Variants in GRID1 observed in about 807,000 individuals in gnomAD.
GRID1 encodes the protein glutamate ionotropic receptor delta type subunit 1, also known as glutamate receptor ionotropic, delta-1.
A neutral mutation model predicts 98.0 loss-of-function variants in GRID1; 28 were observed. The observed-to-expected ratio is 0.29, with a 90% CI of 0.21 to 0.39. The LOEUF is 0.39. GRID1 is among the 10% of genes least tolerant of loss of function. The pLI is 1.00. For missense variants in GRID1, 1,111 were observed against 1,340.5 expected, an observed-to-expected ratio of 0.83 and a Z score of 2.67; for synonymous variants, 553 against 538.5, an observed-to-expected ratio of 1.03 and a Z score of -0.37.
At chr10:85,864,680 G>T (rs530839437) in intron 6 of GRID1, among the ~76,000 whole-genome samples, 1 of 152,306 alleles carries the variant, frequency 6.6e-6, no homozygotes, top group South Asian at 2.1e-4. Flanking sequence ...CCATGGAAGA[G>T]TACAGAAAAC....
chr10:85,796,947 T>C (rs1842530838), intron 8 of GRID1, among the ~76,000 whole-genome samples: 1 of 152,186 alleles, frequency 6.6e-6, no homozygotes. Flanking sequence ...AAAGACTTTG[T>C]GATAAAGTAT....
chr10:85,831,613 G>A (rs1299556787), intron 8 of GRID1, among the ~76,000 whole-genome samples: 1 of 151,960 alleles, frequency 6.6e-6, no homozygotes, highest in Non-Finnish European at 1.5e-5. Context: ...CAAATTTGCT[G>A]ATCACAGTGA....
intron 3 of GRID1, among the ~76,000 whole-genome samples, chr10:86,159,767 TTTG>T (rs764993204): frequency 8.5e-5 from 13 of 152,190 alleles, no homozygotes; most frequent in Non-Finnish European, 1.5e-4. Context: ...TTACCAACCA[TTTG>T]GCAATGAACA....
Position 85,865,912 on chromosome 10 carries a change from C to CATATATTT in GRID1, c.951+3097_951+3098insAAATATAT, listed in dbSNP as rs1554836172. Among the ~76,000 whole-genome samples, 74 of 83,110 alleles carry CATATATTT rather than the reference C, an allele frequency of 8.9e-4. 4 individuals carry two copies. Among genetic ancestry groups the CATATATTT allele is most frequent in the African/African-American group, 4.1e-3 (73 of 18,012 alleles). The allele number at this position is 83,110 out of a possible 152,430, so 54.5% of individuals were successfully genotyped here. A position where few individuals can be genotyped will look rare whatever the true frequency, so the allele number is the denominator to read the frequency against. On this transcript the variant is annotated intron_variant, in intron 6 of 15. Coordinates refer to ENST00000327946, the MANE Select transcript of GRID1 (RefSeq NM_017551.3). ...TTTAATAAAGTGTTTTACATATATA[C>CATATATTT]ATATATATATATATATATATATATA...
chr10:85,998,460 C>A (rs1842766129), intron 4 of GRID1, among the ~76,000 whole-genome samples: 1 of 151,902 alleles, frequency 6.6e-6, no homozygotes, highest in African/African-American at 2.4e-5. Context: ...CACAACACTG[C>A]ACAATTTGTG....
intron 8 of GRID1, among the ~76,000 whole-genome samples, chr10:85,779,202 C>A (rs1050329018): frequency 6.6e-6 from 1 of 151,924 alleles, no homozygotes; most frequent in Non-Finnish European, 1.5e-5. Flanking sequence ...CCCAGGAGGA[C>A]CTTGTCGAAT....
intron 2 of GRID1, among the ~76,000 whole-genome samples, chr10:86,273,569 C>A (rs11592651): frequency 0.5 from 74,640 of 148,234 alleles, 22,267 homozygotes; most frequent in Non-Finnish European, 0.67. Flanking sequence ...TCCTCTCCAG[C>A]ACCTGTTGTT....
intron 2 of GRID1, among the ~76,000 whole-genome samples, chr10:86,246,889 G>A (rs1328414182): frequency 6.6e-6 from 1 of 152,234 alleles, no homozygotes; most frequent in African/African-American, 2.4e-5. Context: ...GTACTGATTT[G>A]TTCAGAGCCC....
intron 2 of GRID1, among the ~76,000 whole-genome samples, chr10:86,252,497 T>C (rs1846852069): frequency 6.6e-6 from 1 of 152,240 alleles, no homozygotes; most frequent in South Asian, 2.1e-4. Flanking sequence ...ACAAAGTGCA[T>C]GAATAAACAG....
chr10:86,313,682 T>A (rs1847861418), intron 2 of GRID1, among the ~76,000 whole-genome samples: 1 of 152,034 alleles, frequency 6.6e-6, no homozygotes, highest in Non-Finnish European at 1.5e-5. Flanking sequence ...ATCCAAAACC[T>A]CAATGTCAAA....
chr10:85,672,179 C>T (rs535095643), intron 12 of GRID1, among the ~76,000 whole-genome samples: 2 of 152,302 alleles, frequency 1.3e-5, no homozygotes, highest in African/African-American at 4.8e-5. Context: ...GAAGAAAACA[C>T]CTTCAAAGCT....
chr10:86,076,991 C>A (rs1264474699), intron 4 of GRID1, among the ~76,000 whole-genome samples: 1 of 137,112 alleles, frequency 7.3e-6, no homozygotes, highest in Non-Finnish European at 1.6e-5. Flanking sequence ...TCTGTAAAAA[C>A]CCTATTTCCA....
intron 4 of GRID1, among the ~76,000 whole-genome samples, chr10:86,052,215 T>C (rs1050177434): frequency 1.3e-5 from 2 of 152,220 alleles, no homozygotes; most frequent in African/African-American, 4.8e-5. Flanking sequence ...TGTATTTGCA[T>C]ACAGAAGTGA....
intron 4 of GRID1, among the ~76,000 whole-genome samples, chr10:85,947,688 A>T (rs570132977): frequency 7.2e-5 from 11 of 152,348 alleles, no homozygotes; most frequent in Non-Finnish European, 1.5e-4. Flanking sequence ...CGTAAAGAAG[A>T]CCACCAAATC....
intron 9 of GRID1, 41 bp from the exon 10 acceptor site, chr10:85,728,093 G>A (rs1247585542): frequency 7.8e-7 from 1 of 1,278,172 alleles, no homozygotes; most frequent in African/African-American, 1.5e-5. Flanking sequence ...TAAATAACAG[G>A]TTCATCAACA....
chr10:86,322,967 C>T (rs1847992106), intron 2 of GRID1, among the ~76,000 whole-genome samples: 1 of 151,510 alleles, frequency 6.6e-6, no homozygotes, highest in African/African-American at 2.4e-5. Context: ...TGGTGCCGCA[C>T]ACCTGTAATC....
At chr10:86,140,132 A>G (rs1844990736) in intron 3 of GRID1, among the ~76,000 whole-genome samples, 1 of 152,150 alleles carries the variant, frequency 6.6e-6, no homozygotes. Context: ...TGCAGCCCAG[A>G]GTCTCAATCC....
chr10:85,717,092 C>G (rs559923089), intron 12 of GRID1, among the ~76,000 whole-genome samples: 1 of 152,228 alleles, frequency 6.6e-6, no homozygotes, highest in East Asian at 1.9e-4. Context: ...TTGAGATTGG[C>G]TAAAACAGCA....
intron 4 of GRID1, among the ~76,000 whole-genome samples, chr10:86,127,520 C>T (rs1222377537): frequency 2.0e-5 from 3 of 152,170 alleles, no homozygotes; most frequent in African/African-American, 7.2e-5. Flanking sequence ...TCCGAAAGTG[C>T]CTAGCCAGCA....
Sources: allele counts gnomAD v4.1 joint callset (sites outside exome capture counted in the v4.1 genomes callset), GRCh38; gene constraint gnomAD v4.1.1; transcripts MANE v1.5; gene names NCBI Gene and HGNC (gene_info 2026-07-23, HGNC 2026-07-21).